The following PRDM16 variants were observed in gnomAD, a reference collection of about 807,000 sequenced individuals.
PRDM16 encodes the protein PR/SET domain 16, also known as histone-lysine N-methyltransferase PRDM16.
In PRDM16, 23 loss-of-function variants were observed where a neutral mutation model predicts 110.6. The observed-to-expected ratio is 0.21, with a 90% CI of 0.15 to 0.29. PRDM16 has a LOEUF of 0.29. Among genes scored for constraint, PRDM16 ranks in the 10% least tolerant of loss-of-function variants. PRDM16 has a pLI of 1.00. For missense variants in PRDM16, 1,615 were observed against 1,794.3 expected (o/e 0.90, Z 1.81); for synonymous variants, 799 against 781.8 (o/e 1.02, Z -0.37).
chr1:3,337,113 GCC>G lies in PRDM16; in HGVS notation c.439-48038_439-48037del, dbSNP rs541087972. ...TGCATCCACATGAGTGTTGGTGTGA[GCC>G]TCTGTGTGAATGCATGCATGCACAT... On this transcript the variant is annotated intron_variant, in intron 3 of 16. Transcript: ENST00000270722. Among the ~76,000 whole-genome samples the G allele has an allele frequency of 2.6e-3, 393 of 151,024 alleles. 9 individuals are homozygous for G. In the East Asian group the frequency reaches 0.047, roughly 18 times the overall value.
At chr1:3,430,424 TC>T in intron 14 of PRDM16, among the ~76,000 whole-genome samples, 1 of 152,278 alleles carries the variant, frequency 6.6e-6, no homozygotes, top group East Asian at 1.9e-4. Flanking sequence ...CCTCCAGGGC[TC>T]CCGGCTCTCG....
intron 1 of PRDM16, among the ~76,000 whole-genome samples, chr1:3,128,881 G>A (rs940534441): frequency 6.6e-6 from 1 of 152,234 alleles, no homozygotes; most frequent in African/African-American, 2.4e-5. Flanking sequence ...ACCAGTCCTG[G>A]GGAGCCTGCC....
intron 3 of PRDM16, among the ~76,000 whole-genome samples, chr1:3,305,122 T>C (rs1641285265): frequency 6.6e-6 from 1 of 151,916 alleles, no homozygotes; most frequent in South Asian, 2.1e-4. Flanking sequence ...AGCCTACAGG[T>C]GCCAGCAGGG....
In PRDM16 at chr1:3,167,496, A is replaced by G. The variant is rs113775134; in HGVS notation, c.38-18629A>G. Among the ~76,000 whole-genome samples, 545 of 152,064 alleles carry G rather than the reference A, an allele frequency of 3.6e-3. 3 individuals carry two copies. The highest frequency in any genetic ancestry group is 0.012 in the African/African-American group (505 of 41,426). On this transcript the variant is annotated intron_variant, in intron 1 of 16. Transcript: ENST00000270722. Reference sequence around the variant, plus strand: ...AGCCGGGGCGAAGGGCCTCCCACTCATGAATCCTGCCACAGGTGAAGAAGG... The same window carrying G: ...AGCCGGGGCGAAGGGCCTCCCACTCGTGAATCCTGCCACAGGTGAAGAAGG...
chr1:3,335,418 G>A (rs904106621), intron 3 of PRDM16, among the ~76,000 whole-genome samples: 7 of 152,182 alleles, frequency 4.6e-5, no homozygotes, highest in Non-Finnish European at 5.9e-5. Flanking sequence ...CAGGGCGTCC[G>A]TAGAGAACAC....
intron 3 of PRDM16, among the ~76,000 whole-genome samples, chr1:3,276,039 G>A (rs1367942470): frequency 1.3e-5 from 2 of 152,350 alleles, no homozygotes; most frequent in Middle Eastern, 3.4e-3. Flanking sequence ...CCGCTCTGCC[G>A]GCTTTGGTCT....
At chr1:3,233,892 A>T (rs202142552) in intron 2 of PRDM16, among the ~76,000 whole-genome samples, 3,536 of 118,628 alleles carry the variant, frequency 0.03, 40 homozygotes, top group African/African-American at 0.046. Context: ...GGGTTTTTTT[A>T]AAAAAAAAAA....
chr1:3,142,425 A>G (rs1252510244), intron 1 of PRDM16, among the ~76,000 whole-genome samples: 2 of 151,824 alleles, frequency 1.3e-5, no homozygotes. Flanking sequence ...ATGGCCCGAC[A>G]GTGTGGTCCT....
chr1:3,417,717 C>A, intron 10 of PRDM16, 111 bp from the exon 11 acceptor site: 2 of 917,324 alleles, frequency 2.2e-6, no homozygotes, highest in Non-Finnish European at 3.5e-6. Flanking sequence ...GCTTCCAGTG[C>A]CCACCTGAGC....
At chr1:3,145,784 G>A (rs916545335) in intron 1 of PRDM16, among the ~76,000 whole-genome samples, 2 of 152,178 alleles carry the variant, frequency 1.3e-5, no homozygotes, top group African/African-American at 4.8e-5. Flanking sequence ...CGAGGCTCCC[G>A]ATAACCTCAT....
At chr1:3,409,162 AGT>A (rs1226716602) in intron 8 of PRDM16, among the ~76,000 whole-genome samples, 1 of 137,604 alleles carries the variant, frequency 7.3e-6, no homozygotes, top group Admixed American at 7.2e-5. Context: ...TGTGTGAGTG[AGT>A]GTGGGCACGT....
rs114586451 is a variant in PRDM16 at position 3,390,552 on chromosome 1, G to A, written c.573+5266G>A. Among the ~76,000 whole-genome samples the A allele has an allele frequency of 6.6e-6, 1 of 152,186 alleles. No individual in the cohort carries two copies. Among genetic ancestry groups the A allele is most frequent in the Non-Finnish European group, 1.5e-5 (1 of 68,028 alleles). ...ACAGCCCCTCCACAGAGTGTTCCGC[G>A]CAGGCATTGTGTTAGAAGAGTGGCC... On this transcript the variant is annotated intron_variant, in intron 4 of 16. Coordinates refer to ENST00000270722, the MANE Select transcript of PRDM16 (RefSeq NM_022114.4). The surrounding 1 kb of genome is among the most constrained non-coding windows in gnomAD (Gnocchi z 5.0).
intron 2 of PRDM16, among the ~76,000 whole-genome samples, chr1:3,211,762 G>T (rs1462303317): frequency 1.3e-5 from 2 of 152,246 alleles, no homozygotes; most frequent in African/African-American, 4.8e-5. Context: ...GCACGGAACA[G>T]CACACGGTGG....
chr1:3,306,751 C>T (rs983289103), intron 3 of PRDM16: 2 of 152,206 alleles, frequency 1.3e-5, no homozygotes, highest in African/African-American at 4.8e-5. Flanking sequence ...CAGACTTGTG[C>T]AACCATCACA....
chr1:3,107,472 T>A (rs908356489), intron 1 of PRDM16, among the ~76,000 whole-genome samples: 1 of 152,204 alleles, frequency 6.6e-6, no homozygotes, highest in Admixed American at 6.5e-5. Context: ...CTAATTCTAA[T>A]GTAAATAGAG....
intron 3 of PRDM16, among the ~76,000 whole-genome samples, chr1:3,293,745 C>T (rs898338476): frequency 1.3e-5 from 2 of 152,084 alleles, no homozygotes; most frequent in African/African-American, 4.8e-5. Flanking sequence ...GCTGTTTGTG[C>T]AGGATGCTCA....
intron 3 of PRDM16, among the ~76,000 whole-genome samples, chr1:3,302,571 G>T (rs1055531650): frequency 1.3e-5 from 2 of 152,098 alleles, no homozygotes; most frequent in Non-Finnish European, 2.9e-5. Flanking sequence ...AGGTGTGCCT[G>T]GATACATTGT....
chr1:3,266,497 T>A (rs1640296389), intron 3 of PRDM16, among the ~76,000 whole-genome samples: 1 of 152,108 alleles, frequency 6.6e-6, no homozygotes, highest in Non-Finnish European at 1.5e-5. Context: ...AAGCTCTTAA[T>A]CAGTGAACTG....
chr1:3,228,066 C>T (rs528707792), intron 2 of PRDM16, among the ~76,000 whole-genome samples: 10 of 152,350 alleles, frequency 6.6e-5, no homozygotes, highest in Non-Finnish European at 1.0e-4. Flanking sequence ...AAAACAGAAG[C>T]GCCAGTGGCG....
Sources: gnomAD v4.1 joint callset for allele counts (sites outside exome capture counted in the v4.1 genomes callset) on GRCh38, gnomAD v4.1.1 for gene constraint, Gnocchi (gnomAD v3.1) non-coding constraint, MANE v1.5 for transcripts, NCBI Gene and HGNC (gene_info 2026-07-23, HGNC 2026-07-21) for gene names.